The following EXOC6B variants were observed in gnomAD, a reference collection of about 807,000 sequenced individuals.
EXOC6B encodes SEC15 homolog B.
Under a neutral mutation model 113.5 loss-of-function variants are expected in EXOC6B, and 54 were observed. That is an observed-to-expected ratio of 0.48 (90% CI 0.38 to 0.60). EXOC6B has a LOEUF of 0.60. EXOC6B is among the 20% of genes least tolerant of loss of function. The probability of loss-of-function intolerance (pLI) is 0.00; values close to 1 mark genes in which losing one functional copy is unlikely to be tolerated. For synonymous variants in EXOC6B, 357 were observed against 339.0 expected (o/e 1.05, Z -0.58); for missense variants, 797 against 977.5 (o/e 0.82, Z 2.46).
intron 18 of EXOC6B, among the ~76,000 whole-genome samples, chr2:72,380,334 C>T (rs1020875831): frequency 1.3e-4 from 20 of 152,092 alleles, no homozygotes; most frequent in African/African-American, 7.2e-5. Flanking sequence ...TATGATTTAA[C>T]ACATATAAAG....
intron 1 of EXOC6B, among the ~76,000 whole-genome samples, chr2:72,751,596 G>A (rs141631304): frequency 1.3e-5 from 2 of 152,110 alleles, no homozygotes; most frequent in East Asian, 1.9e-4. Context: ...TTTACAAATA[G>A]ATAATCTGGA....
chr2:72,523,480 T>C (rs1558760536), intron 8 of EXOC6B, among the ~76,000 whole-genome samples: 1 of 151,988 alleles, frequency 6.6e-6, no homozygotes. Flanking sequence ...CCTTATATTC[T>C]CTTCATTAAG....
chr2:72,573,154 T>C (rs959741197), intron 7 of EXOC6B, among the ~76,000 whole-genome samples: 3 of 152,202 alleles, frequency 2.0e-5, no homozygotes, highest in Non-Finnish European at 4.4e-5. Flanking sequence ...TGATAAAGAA[T>C]GGTTTCCTTT....
chr2:72,257,918 T>C (rs1164328374), intron 20 of EXOC6B, among the ~76,000 whole-genome samples: 1 of 152,102 alleles, frequency 6.6e-6, no homozygotes, highest in East Asian at 1.9e-4. Flanking sequence ...CACAGAAATA[T>C]CTCAGTCAAG....
intron 1 of EXOC6B, among the ~76,000 whole-genome samples, chr2:72,798,824 A>G (rs1453642427): frequency 6.6e-6 from 1 of 152,182 alleles, no homozygotes; most frequent in African/African-American, 2.4e-5. Context: ...CCAGTAAAAT[A>G]AAAGCCTGTG....
intron 20 of EXOC6B, among the ~76,000 whole-genome samples, chr2:72,203,290 A>G (rs1679609265): frequency 6.6e-6 from 1 of 152,232 alleles, no homozygotes; most frequent in South Asian, 2.1e-4. Context: ...TGGTAGTATC[A>G]TAGCCTATCT....
At chr2:72,403,618 C>G (rs759923821) in intron 18 of EXOC6B, among the ~76,000 whole-genome samples, 24 of 152,088 alleles carry the variant, frequency 1.6e-4, no homozygotes, top group Non-Finnish European at 2.8e-4. Context: ...GGCTTGAGAC[C>G]AGGAGTTCAA....
intron 19 of EXOC6B, among the ~76,000 whole-genome samples, chr2:72,368,814 GC>G: frequency 6.6e-6 from 1 of 152,062 alleles, no homozygotes. Context: ...AAATTCAACA[GC>G]CCTTCATGCT....
intron 19 of EXOC6B, among the ~76,000 whole-genome samples, chr2:72,346,715 C>T (rs1050636127): frequency 6.6e-6 from 1 of 152,020 alleles, no homozygotes; most frequent in Admixed American, 6.6e-5. Flanking sequence ...TGAATTAAAT[C>T]AGTAATTTTT....
intron 18 of EXOC6B, among the ~76,000 whole-genome samples, chr2:72,403,976 C>T (rs1298141658): frequency 2.6e-5 from 4 of 152,158 alleles, no homozygotes; most frequent in Non-Finnish European, 5.9e-5. Context: ...AAAGGGGTGA[C>T]AGACGGCACC....
At chr2:72,263,692 T>C (rs1370056233) in intron 20 of EXOC6B, among the ~76,000 whole-genome samples, 2 of 152,170 alleles carry the variant, frequency 1.3e-5, no homozygotes, top group African/African-American at 2.4e-5. Flanking sequence ...TACTGCATGG[T>C]AAATCATAAT....
chr2:72,783,413 C>T (rs1366944486), intron 1 of EXOC6B, among the ~76,000 whole-genome samples: 1 of 147,026 alleles, frequency 6.8e-6, no homozygotes, highest in Non-Finnish European at 1.5e-5. Flanking sequence ...CAACCTCCGC[C>T]TCCCGAGTTC....
Position 72,638,016 on chromosome 2 carries a change from C to A in EXOC6B, c.670-62348G>T, listed in dbSNP as rs186923597. Among the ~76,000 whole-genome samples, 436 of 151,990 alleles carry A rather than the reference C, an allele frequency of 2.9e-3. 6 individuals carry two copies. The highest frequency in any genetic ancestry group is 0.02 in the Admixed American group (303 of 15,260). ...ATAAAAAATAAAAATCAAATCAAAG[C>A]AGAAATAAATGAACTTGAAACAAAG... On this transcript the variant is annotated intron_variant, in intron 6 of 21. Transcript: ENST00000272427.
intron 6 of EXOC6B, among the ~76,000 whole-genome samples, chr2:72,711,079 G>T (rs1450131923): frequency 6.6e-6 from 1 of 152,078 alleles, no homozygotes; most frequent in African/African-American, 2.4e-5. Flanking sequence ...AAGAAATACA[G>T]ATCTTCTCTC....
intron 7 of EXOC6B, among the ~76,000 whole-genome samples, chr2:72,575,071 G>A (rs1704744684): frequency 6.6e-6 from 1 of 152,056 alleles, no homozygotes; most frequent in Non-Finnish European, 1.5e-5. Flanking sequence ...TTCCATCTGA[G>A]CCATTTCTCA....
chr2:72,632,021 A>G (rs1467563975), intron 6 of EXOC6B, among the ~76,000 whole-genome samples: 1 of 152,240 alleles, frequency 6.6e-6, no homozygotes, highest in Non-Finnish European at 1.5e-5. Flanking sequence ...AAAGTATCAA[A>G]TATAAATATA....
intron 12 of EXOC6B, 56 bp from the exon 13 acceptor site, chr2:72,498,607 T>G (rs1382639223): frequency 8.7e-5 from 37 of 427,446 alleles, no homozygotes; most frequent in African/African-American, 3.6e-4. Flanking sequence ...TTTTTTTCGG[T>G]TTTTTTTTTT....
intron 20 of EXOC6B, among the ~76,000 whole-genome samples, chr2:72,304,994 T>C (rs1326378852): frequency 6.6e-6 from 1 of 152,142 alleles, no homozygotes; most frequent in Non-Finnish European, 1.5e-5. Flanking sequence ...TGAGTATATA[T>C]CTAAAAGATC....
intron 6 of EXOC6B, among the ~76,000 whole-genome samples, chr2:72,643,210 C>T (rs1455503680): frequency 6.6e-6 from 1 of 152,064 alleles, no homozygotes; most frequent in African/African-American, 2.4e-5. Context: ...TGTGGTGACT[C>T]CTCAGGGATC....
Sources: gnomAD v4.1 joint callset for allele counts (sites outside exome capture counted in the v4.1 genomes callset) on GRCh38, gnomAD v4.1.1 for gene constraint, MANE v1.5 for transcripts, NCBI Gene and HGNC (gene_info 2026-07-23, HGNC 2026-07-21) for gene names.